The following CACTIN variants were observed in gnomAD, a reference collection of about 807,000 sequenced individuals.
CACTIN encodes cactin, spliceosome C complex subunit.
CACTIN carries 20 observed loss-of-function variants against 84.9 expected under a neutral mutation model. The ratio of observed to expected loss-of-function variants is 0.24; its 90% CI spans 0.17 to 0.34. The LOEUF (loss-of-function observed/expected upper bound fraction) is 0.34, where lower values mean the gene tolerates loss of function less well. Among genes scored for constraint, CACTIN ranks in the 10% least tolerant of loss-of-function variants. CACTIN has a pLI of 1.00. For synonymous variants in CACTIN, 549 were observed against 467.9 expected (o/e 1.17, Z -2.24); for missense variants, 897 against 1,117.2 (o/e 0.80, Z 2.81).
rs777906028 is a variant in CACTIN, at chr19:3,626,776, G to A, written c.-14C>T. On this transcript the variant is annotated 5_prime_UTR_variant, in exon 1 of 10. Coordinates refer to ENST00000429344, the MANE Select transcript of CACTIN (RefSeq NM_001080543.2). Reference sequence around the variant, plus strand: ...GTCCCGACCCATCGGCTGGGCCAGTGGCCGCGGCACCAACACCAATAGCCG... The same window carrying A: ...GTCCCGACCCATCGGCTGGGCCAGTAGCCGCGGCACCAACACCAATAGCCG... The A allele has an allele frequency of 7.3e-7, 1 of 1,373,054 alleles. No individual in the cohort carries two copies. The highest frequency in any genetic ancestry group is 9.4e-7 in the Non-Finnish European group (1 of 1,060,718). 85.1% of individuals were successfully genotyped at this position (1,373,054 alleles called of 1,614,324 possible).
At chr19:3,620,658 AGGCCCTGGAAAGGGAG>A in intron 3 of CACTIN, 33 bp downstream of exon 3, 1 of 1,482,524 alleles carries the variant, frequency 6.7e-7, no homozygotes. Flanking sequence ...GCGGGCCTCC[AGGCCCTGGAAAGGGAG>A]GGCCCTGCCC....
intron 4 of CACTIN, among the ~76,000 whole-genome samples, chr19:3,619,742 C>G (rs114641615): frequency 2.6e-5 from 4 of 152,076 alleles, no homozygotes; most frequent in Non-Finnish European, 5.9e-5. Flanking sequence ...CAGGGAGGCC[C>G]GAGCTGGGAG....
At position 3,613,115 on chromosome 19, in the gene CACTIN, C is replaced by CCAGCACGTGCGCGTCCAGTGG. The variant is rs2033008259; in HGVS notation, c.1708_1728dup (p.Pro570_Leu576dup). Reference sequence around the variant, plus strand: ...AGGCGCTGCAGGTCCTCATCCGGTTCCAGCACGTGCGCGTCCAGTGGCAGC... The same window carrying CCAGCACGTGCGCGTCCAGTGG: ...AGGCGCTGCAGGTCCTCATCCGGTTCCAGCACGTGCGCGTCCAGTGGCAGCACGTGCGCGTCCAGTGGCAGC... On this transcript the variant is annotated inframe_insertion, in exon 9 of 10. Transcript: ENST00000429344. 1.9e-6 allele frequency: 3 copies of CCAGCACGTGCGCGTCCAGTGG among 1,603,520 alleles called. No homozygotes were observed. Among genetic ancestry groups the CCAGCACGTGCGCGTCCAGTGG allele is most frequent in the East Asian group, 4.5e-5 (2 of 44,766 alleles).
Position 3,613,334 on chromosome 19 carries a change from G to A in CACTIN, c.1510C>T (p.Pro504Ser). Reference sequence around the variant, plus strand: ...GGGCCGCCCTCCGAGGAGGGCCCGGGCGGGGTGGGCGCCGCGTCCTCAGGC... The same window carrying A: ...GGGCCGCCCTCCGAGGAGGGCCCGGACGGGGTGGGCGCCGCGTCCTCAGGC... Reference protein sequence around the residue: ...LEPEDAAPTPPGPSSEGGPAE... With the variant: ...LEPEDAAPTPSGPSSEGGPAE... Residue 504 changes from proline to serine, a missense_variant, in exon 9 of 10, where the codon CCC (proline) becomes TCC (serine). Pro to Ser is a moderately conservative substitution (Grantham distance 74). Coordinates refer to ENST00000429344, the MANE Select transcript of CACTIN (RefSeq NM_001080543.2). The A allele has an allele frequency of 1.3e-6, 2 of 1,520,036 alleles. No homozygotes were observed. The highest frequency in any genetic ancestry group is 1.3e-5 in the South Asian group (1 of 79,700). 94.2% of individuals were successfully genotyped at this position (1,520,036 alleles called of 1,614,324 possible).
intron 6 of CACTIN, chr19:3,614,882 C>T (rs964622529): frequency 2.0e-6 from 1 of 488,260 alleles, no homozygotes; most frequent in African/African-American, 2.0e-5. Context: ...TGAGAATGCC[C>T]CTCCCCAGGT....
intron 2 of CACTIN, 187 bp from the exon 3 acceptor site, chr19:3,620,989 G>A: frequency 1.4e-6 from 1 of 696,150 alleles, no homozygotes; most frequent in South Asian, 1.5e-5. Flanking sequence ...GTGCAGACAT[G>A]GAGCCCCCAC....
chr19:3,624,697 G>C (rs936951966), intron 1 of CACTIN, among the ~76,000 whole-genome samples: 1 of 152,094 alleles, frequency 6.6e-6, no homozygotes, highest in African/African-American at 2.4e-5. Flanking sequence ...CGAACCAGGG[G>C]ACCCGAACAC....
intron 6 of CACTIN, chr19:3,616,646 C>G (rs2033112439): frequency 6.6e-6 from 1 of 152,060 alleles, no homozygotes; most frequent in Non-Finnish European, 1.5e-5. Flanking sequence ...CAAACACCAC[C>G]TGTTCCCCAA....
At position 3,614,516 on chromosome 19, in the gene CACTIN, G is replaced by T; in HGVS notation, c.1236C>A (p.Asn412Lys). ...TGCCCTGGAAGATGACCTGCAGCTG[G>T]TTGTATGTCTTCCCCTTGAACACCG... ...VQSVFKGKTY[N>K]QLQVIFQGIE... Residue 412 changes from asparagine to lysine, a missense_variant, in exon 7 of 10, where the codon AAC becomes AAA. Asn to Lys is a moderately conservative substitution (Grantham distance 94, BLOSUM62 0). This residue lies in a region of CACTIN where 304 missense variants were observed against 444.3 expected (regional missense o/e 0.68). Coordinates refer to ENST00000429344, the MANE Select transcript of CACTIN (RefSeq NM_001080543.2). 1 of 1,608,296 alleles carries T rather than the reference G, an allele frequency of 6.2e-7. No individual in the cohort carries two copies. Among genetic ancestry groups the T allele is most frequent in the Non-Finnish European group, 8.5e-7 (1 of 1,177,474 alleles).
intron 2 of CACTIN, among the ~76,000 whole-genome samples, chr19:3,621,606 C>T (rs1211278197): frequency 6.6e-6 from 1 of 152,232 alleles, no homozygotes; most frequent in East Asian, 1.9e-4. Context: ...ACATCTTCCT[C>T]CTCCATGGCT....
rs777351286 is a variant in CACTIN, at chr19:3,613,619, G to A, written c.1356-33C>T. 7.0e-6 allele frequency: 11 copies of A among 1,581,916 alleles called. No individual in the cohort carries two copies. The African/African-American group carries it at 1.5e-4, about 21-fold the overall frequency. ...GCAGAGCCGGGGTCACCCGCATGGA[G>A]GCGAAGGGGCTCCGCGCCCCACCCC... is the stretch of plus-strand genomic sequence containing the variant. On this transcript the variant is annotated intron_variant, in intron 7 of 9. Coordinates refer to ENST00000429344, the MANE Select transcript of CACTIN (RefSeq NM_001080543.2).
In CACTIN at chr19:3,618,904, C is replaced by A. The variant is rs373966903; in HGVS notation, c.1133G>T (p.Arg378Leu). 2 of 1,555,364 alleles carry A rather than the reference C, an allele frequency of 1.3e-6. No homozygotes were observed. The highest frequency in any genetic ancestry group is 1.7e-4 in the Middle Eastern group (1 of 6,020). ...TITEDEISKL[R>L]KLEASGKGPG... is the part of the protein sequence containing the mutation. ...CCCCTTGCCCGAGGCCTCCAGCTTG[C>A]GGAGCTTGGAGATCTCGTCCTCGGT... Residue 378 changes from arginine to leucine, a missense_variant, in exon 6 of 10, where the codon CGC becomes CTC. Around this residue, in one of 8 missense-constraint regions of CACTIN, gnomAD observed 304 missense variants for 444.3 expected, o/e 0.68. Transcript: ENST00000429344.
intron 6 of CACTIN, among the ~76,000 whole-genome samples, chr19:3,617,498 G>A (rs893970008): frequency 1.3e-5 from 2 of 152,344 alleles, no homozygotes; most frequent in Non-Finnish European, 2.9e-5. Flanking sequence ...GCTGAGCGAC[G>A]TGGTGGAGGC....
chr19:3,612,474 T>A, intron 9 of CACTIN, 61 bp from the exon 10 acceptor site: 2 of 1,501,334 alleles, frequency 1.3e-6, no homozygotes, highest in Non-Finnish European at 1.8e-6. Context: ...GCCTCCCTCC[T>A]AGCCTCTCTG....
At chr19:3,618,164 T>C (rs2033144367) in intron 6 of CACTIN, among the ~76,000 whole-genome samples, 2 of 109,366 alleles carry the variant, frequency 1.8e-5, no homozygotes, top group Non-Finnish European at 3.6e-5. Flanking sequence ...GCTGCTGTGG[T>C]TGGCTTTTAG....
Position 3,615,312 on chromosome 19 carries a change from A to C in CACTIN, c.1163-723T>G. 6.5e-6 allele frequency: 1 copy of C among 153,916 alleles called. No individual in the cohort carries two copies. The highest frequency in any genetic ancestry group is 1.4e-5 in the Non-Finnish European group (1 of 69,424). The allele number at this position is 153,916 out of a possible 1,614,324, so 9.5% of individuals were successfully genotyped here. A position where few individuals can be genotyped will look rare whatever the true frequency, so the allele number is the denominator to read the frequency against. ...TGCTGGGAGGCTGGAGCCTAGCCTG[A>C]CTCCGCGTGCTCTGCCCCACACCAC... On this transcript the variant is annotated intron_variant, in intron 6 of 9. Transcript: ENST00000429344. This position sits in a 1 kb window ranked among gnomAD's most constrained non-coding sequence, Gnocchi z 5.2.
In CACTIN at chr19:3,613,176, G is replaced by A. The variant is rs531014751; in HGVS notation, c.1668C>T (p.Ala556=). 1.2e-5 allele frequency: 19 copies of A among 1,611,202 alleles called. No homozygotes were observed. The African/African-American group carries it at 2.1e-4, about 18-fold the overall frequency. ...TGAGCAGCCGCGGGCTGTACCTGCC[G>A]GCGTCGTAGTCGTCCAGGCTCTGCT... ...LIQQSLDDYD[A]GRYSPRLLTA... is the part of the protein sequence containing the mutation. The change falls in exon 9 of 10, where the codon GCC becomes GCT. Residue 556 remains alanine, a synonymous_variant. Coordinates refer to ENST00000429344, the MANE Select transcript of CACTIN (RefSeq NM_001080543.2).
rs946407766 is a variant in CACTIN, at chr19:3,626,649, C to T, written c.114G>A (p.Arg38=). Residue 38 remains arginine, a synonymous_variant, in exon 1 of 10, where the codon CGG becomes CGA. Transcript: ENST00000429344. ...TGCGCCGTCCCTCGTCCTCCCGGCG[C>T]CGTCGGTTTCGCCGCCCATGGCTCC... The part of the protein sequence containing the change: ...RSRSHGRRNR[R]RREDEGRRRR... 6.5e-7 allele frequency: 1 copy of T among 1,535,308 alleles called. No individual in the cohort carries two copies. Among genetic ancestry groups the T allele is most frequent in the Non-Finnish European group, 8.7e-7 (1 of 1,149,858 alleles).
chr19:3,618,945 C>G lies in CACTIN; in HGVS notation c.1092G>C (p.Arg364=). Residue 364 remains arginine (R), a synonymous_variant, in exon 6 of 10, where the codon CGG becomes CGC. Transcript: ENST00000429344. ...CGTCCTCGGTGATGGTGGTCATGTCCCGCCAGAAGTCGGCGTTCTTGCCCT... is the reference window on the plus strand; with the variant it reads ...CGTCCTCGGTGATGGTGGTCATGTCGCGCCAGAAGTCGGCGTTCTTGCCCT... The part of the protein sequence containing the change: ...LEQGKNADFW[R]DMTTITEDEI... 6.4e-7 allele frequency: 1 copy of G among 1,559,920 alleles called. No individual in the cohort carries two copies. The highest frequency in any genetic ancestry group is 8.7e-7 in the Non-Finnish European group (1 of 1,151,784).
Sources: allele counts gnomAD v4.1 joint callset (sites outside exome capture counted in the v4.1 genomes callset), GRCh38; gene constraint gnomAD v4.1.1; regional missense constraint gnomAD v4.1.1; non-coding constraint Gnocchi (gnomAD v3.1); transcripts MANE v1.5; gene names NCBI Gene and HGNC (gene_info 2026-07-23, HGNC 2026-07-21).